Variants in RERG observed in about 807,000 individuals in gnomAD.
The protein encoded by RERG is ras-related and estrogen-regulated growth inhibitor.
RERG carries 25 observed loss-of-function variants against 23.2 expected under a neutral mutation model. That is an observed-to-expected ratio of 1.08 (90% CI 0.79 to 1.50). The LOEUF is 1.50. Among genes scored for constraint, RERG ranks in the 40% most tolerant of loss-of-function variants. RERG has a pLI of 0.00. For synonymous variants in RERG, 81 were observed against 89.1 expected (o/e 0.91, Z 0.51); for missense variants, 253 against 250.1 (o/e 1.01, Z -0.08).
intron 2 of RERG, among the ~76,000 whole-genome samples, chr12:15,149,691 A>T (rs1454886146): frequency 1.3e-5 from 2 of 152,244 alleles, no homozygotes; most frequent in African/African-American, 4.8e-5. Context: ...ACATGCACAT[A>T]GATGATTCTT....
intron 2 of RERG, among the ~76,000 whole-genome samples, chr12:15,191,721 A>C (rs1465729368): frequency 6.6e-6 from 1 of 152,048 alleles, no homozygotes; most frequent in Non-Finnish European, 1.5e-5. Flanking sequence ...CCTATCATTT[A>C]TCCCCTCTCT....
chr12:15,176,711 A>T (rs1348295366), intron 2 of RERG, among the ~76,000 whole-genome samples: 1 of 152,162 alleles, frequency 6.6e-6, no homozygotes, highest in Non-Finnish European at 1.5e-5. Context: ...AATACCCAAA[A>T]AAGCTAGCAA....
intron 2 of RERG, among the ~76,000 whole-genome samples, chr12:15,168,403 T>C (rs1409046918): frequency 6.6e-6 from 1 of 152,150 alleles, no homozygotes; most frequent in African/African-American, 2.4e-5. Flanking sequence ...ACCCTTTGAC[T>C]CCCCAGAGGT....
chr12:15,137,574 G>A (rs879905744), intron 2 of RERG, among the ~76,000 whole-genome samples: 2 of 150,912 alleles, frequency 1.3e-5, no homozygotes, highest in Admixed American at 6.6e-5. Context: ...TACTTGCCCT[G>A]GAGTTTGCAA....
At chr12:15,124,655 C>T (rs1863903594) in intron 2 of RERG, among the ~76,000 whole-genome samples, 1 of 151,960 alleles carries the variant, frequency 6.6e-6, no homozygotes, top group Non-Finnish European at 1.5e-5. Flanking sequence ...AGGCATACAG[C>T]TATTGCTATA....
intron 2 of RERG, among the ~76,000 whole-genome samples, chr12:15,178,688 T>A (rs1367071401): frequency 6.6e-6 from 1 of 152,162 alleles, no homozygotes; most frequent in Non-Finnish European, 1.5e-5. Flanking sequence ...ATTAAATGAC[T>A]GCACTGAAAG....
chr12:15,151,324 A>G (rs1864438264), intron 2 of RERG, among the ~76,000 whole-genome samples: 1 of 152,228 alleles, frequency 6.6e-6, no homozygotes, highest in Non-Finnish European at 1.5e-5. Context: ...GTTTCTTAGA[A>G]GCAGCTTGCC....
chr12:15,139,037 G>C (rs1448164871), intron 2 of RERG, among the ~76,000 whole-genome samples: 1 of 16,694 alleles, frequency 6.0e-5, no homozygotes, highest in Admixed American at 5.8e-4. Flanking sequence ...TTTTTTTTTT[G>C]CCTGTGGGCG....
intron 1 of RERG, among the ~76,000 whole-genome samples, chr12:15,219,837 T>TA (rs1316347261): frequency 6.6e-6 from 1 of 152,190 alleles, no homozygotes; most frequent in African/African-American, 2.4e-5. Flanking sequence ...AATGTGATTT[T>TA]AAAAAAATGA....
chr12:15,216,430 C>T (rs1865441643), intron 2 of RERG, among the ~76,000 whole-genome samples: 1 of 152,314 alleles, frequency 6.6e-6, no homozygotes, highest in Non-Finnish European at 1.5e-5. Context: ...TTAAACCAGA[C>T]AGCAGGTTAG....
intron 2 of RERG, among the ~76,000 whole-genome samples, chr12:15,190,422 G>A (rs938960127): frequency 3.9e-5 from 6 of 152,240 alleles, no homozygotes; most frequent in South Asian, 2.1e-4. Context: ...GCCGCAGGTC[G>A]GACAAGTTTG....
intron 3 of RERG, among the ~76,000 whole-genome samples, chr12:15,120,147 T>G (rs1863805029): frequency 6.6e-6 from 1 of 152,192 alleles, no homozygotes; most frequent in Non-Finnish European, 1.5e-5. Flanking sequence ...GGTTTTCACC[T>G]TGTACTTCTT....
intron 2 of RERG, among the ~76,000 whole-genome samples, chr12:15,189,830 G>T (rs1035846958): frequency 3.3e-5 from 5 of 152,248 alleles, no homozygotes; most frequent in Admixed American, 6.5e-5. Context: ...AAAAATTCAT[G>T]GAAAAGGCAG....
At chr12:15,188,628 A>T (rs576023525) in intron 2 of RERG, among the ~76,000 whole-genome samples, 11 of 152,282 alleles carry the variant, frequency 7.2e-5, no homozygotes, top group South Asian at 4.1e-4. Flanking sequence ...GAACTTTTTT[A>T]AAAAAATTAA....
chr12:15,202,168 G>A (rs578164302), intron 2 of RERG, among the ~76,000 whole-genome samples: 32 of 151,812 alleles, frequency 2.1e-4, no homozygotes, highest in African/African-American at 7.7e-4. Flanking sequence ...AATTTGATGT[G>A]TTTGGACATA....
rs144820779 is a variant in RERG at position 15,184,593 on chromosome 12, T to C, written c.61+32836A>G. ...AATGCACTGAGATCCGGATCATTAT[T>C]ACAGGCTGTAAACCTGGGAACACAG... On this transcript the variant is annotated intron_variant, in intron 2 of 4. Coordinates refer to ENST00000256953, the MANE Select transcript of RERG (RefSeq NM_032918.3). Among the ~76,000 whole-genome samples the C allele has an allele frequency of 6.3e-3, 962 of 152,284 alleles. 6 individuals are homozygous for C. The highest frequency in any genetic ancestry group is 0.011 in the Admixed American group (173 of 15,280).
intron 2 of RERG, among the ~76,000 whole-genome samples, chr12:15,151,005 T>C (rs1473537218): frequency 6.6e-6 from 1 of 152,212 alleles, no homozygotes; most frequent in Non-Finnish European, 1.5e-5. Flanking sequence ...TTGTACTTTA[T>C]AAATACAGAA....
At chr12:15,126,908 CAG>C (rs1565511020) in intron 2 of RERG, among the ~76,000 whole-genome samples, 1 of 151,866 alleles carries the variant, frequency 6.6e-6, no homozygotes, top group Non-Finnish European at 1.5e-5. Flanking sequence ...TTAGTAGAGA[CAG>C]AGTTTCACCG....
Position 15,121,064 on chromosome 12 carries a change from G to A in RERG, c.117C>T (p.Leu39=), listed in dbSNP as rs148630934. The A allele has an allele frequency of 1.4e-3, 2,206 of 1,610,246 alleles. 19 individuals carry two copies. The highest frequency in any genetic ancestry group is 8.6e-4 in the Non-Finnish European group (1,008 of 1,176,786). The part of the protein sequence containing the change: ...KRFIWEYDPT[L]ESTYRHQATI... ...AGAAGGAAACAAAATTTGACCTACC[G>A]AGGGTGGGATCATATTCCCAGATGA... Residue 39 remains leucine (L), a splice_region_variant and synonymous_variant, in exon 3 of 5, where the codon CTC becomes CTT. Transcript: ENST00000256953.
Sources: allele counts gnomAD v4.1 joint callset (sites outside exome capture counted in the v4.1 genomes callset), GRCh38; gene constraint gnomAD v4.1.1; transcripts MANE v1.5; gene names NCBI Gene and HGNC (gene_info 2026-07-23, HGNC 2026-07-21).